DNAH14: variants seen among roughly 807,000 people sequenced by gnomAD.
The protein encoded by DNAH14 is axonemal beta dynein heavy chain 14.
Under a neutral mutation model 520.9 loss-of-function variants are expected in DNAH14, and 478 were observed. The observed-to-expected ratio is 0.92, with a 90% CI of 0.85 to 0.99. DNAH14 has a LOEUF of 0.99. DNAH14 is among the 50% of genes least tolerant of loss of function. The pLI is 0.00. For synonymous variants in DNAH14, 1,581 were observed against 1,757.2 expected, an observed-to-expected ratio of 0.90 and a Z score of 2.51; for missense variants, 4,831 against 5,234.5, an observed-to-expected ratio of 0.92 and a Z score of 2.38.
intron 17 of DNAH14, among the ~76,000 whole-genome samples, chr1:225,059,918 C>G (rs1462270692): frequency 2.0e-5 from 3 of 152,208 alleles, no homozygotes; most frequent in Admixed American, 6.5e-5. Context: ...ATGGGCTTCC[C>G]TTTGTGGGTA....
Position 225,185,331 on chromosome 1 carries a change from G to A in DNAH14, c.5576G>A (p.Gly1859Glu). 6.5e-7 allele frequency: 1 copy of A among 1,547,182 alleles called. No homozygotes were observed. Among genetic ancestry groups the A allele is most frequent in the South Asian group, 1.2e-5 (1 of 83,162 alleles). Reference protein sequence around the residue: ...GVMLVGPTGGGKTTVRRILEK... With the variant: ...GVMLVGPTGGEKTTVRRILEK... ...ATGTTAGTGGGCCCAACAGGTGGAG[G>A]AAAGACAACAGTCAGAAGAATTTTG... The change falls in exon 37 of 86, where the codon GGA becomes GAA. Residue 1859 changes from glycine (G) to glutamate (E), a missense_variant. Transcript: ENST00000682510.
chr1:225,374,458 A>G (rs1404813133), intron 77 of DNAH14, among the ~76,000 whole-genome samples: 1 of 150,942 alleles, frequency 6.6e-6, no homozygotes, highest in Non-Finnish European at 1.5e-5. Context: ...ATAGGGTTTC[A>G]CCATGTTGGT....
At chr1:224,953,492 T>A (rs2060313750) in intron 2 of DNAH14, among the ~76,000 whole-genome samples, 1 of 152,130 alleles carries the variant, frequency 6.6e-6, no homozygotes, top group African/African-American at 2.4e-5. Context: ...GGGCCAAGAA[T>A]ATGTAAAACA....
At chr1:225,119,438 A>C in intron 26 of DNAH14, 144 bp downstream of exon 26, 1 of 510,154 alleles carries the variant, frequency 2.0e-6, no homozygotes, top group Admixed American at 4.1e-5. Context: ...CAAATCTCTT[A>C]TGAAATGGGT....
In DNAH14 at chr1:225,153,744, T is replaced by C; in HGVS notation, c.5197-6T>C. On this transcript the variant is annotated splice_polypyrimidine_tract_variant and splice_region_variant and intron_variant, in intron 33 of 85. Coordinates refer to ENST00000682510, the MANE Select transcript of DNAH14 (RefSeq NM_001367479.1). ...TTAATAATTCAAATATTTTAATGTTTGATAGGATCATTATAATTTTGGCTT... is the reference window on the plus strand; with the variant it reads ...TTAATAATTCAAATATTTTAATGTTCGATAGGATCATTATAATTTTGGCTT... 3 of 1,533,096 alleles carry C rather than the reference T, an allele frequency of 2.0e-6. No homozygotes were observed. Among genetic ancestry groups the C allele is most frequent in the Non-Finnish European group, 2.6e-6 (3 of 1,132,234 alleles). 95.0% of individuals were successfully genotyped at this position (1,533,096 alleles called of 1,614,324 possible).
chr1:225,088,506 A>T (rs2074035337), intron 21 of DNAH14, among the ~76,000 whole-genome samples: 1 of 152,316 alleles, frequency 6.6e-6, no homozygotes, highest in Admixed American at 6.5e-5. Context: ...GTTAAAAATG[A>T]AAAGAGCATC....
intron 4 of DNAH14, among the ~76,000 whole-genome samples, chr1:224,960,807 G>T (rs2125557836): frequency 6.6e-6 from 1 of 152,068 alleles, no homozygotes; most frequent in South Asian, 2.1e-4. Context: ...AAACACCATG[G>T]TACAGAGGTG....
chr1:225,333,555 T>A, intron 66 of DNAH14, 49 bp downstream of exon 66: 1 of 1,481,438 alleles, frequency 6.8e-7, no homozygotes, highest in Non-Finnish European at 9.2e-7. Flanking sequence ...ATTGTTTATT[T>A]GGATTTTAGC....
intron 64 of DNAH14, among the ~76,000 whole-genome samples, chr1:225,329,087 CAACTT>C (rs1205114965): frequency 1.6e-4 from 25 of 152,242 alleles, no homozygotes. Flanking sequence ...GCTAAACTCT[CAACTT>C]AAAGGTTAAT....
At chr1:225,157,094 G>C (rs2081120430) in intron 34 of DNAH14, among the ~76,000 whole-genome samples, 1 of 152,080 alleles carries the variant, frequency 6.6e-6, no homozygotes, top group African/African-American at 2.4e-5. Flanking sequence ...TGTCTTTGTA[G>C]GGGGCATTTT....
chr1:225,272,149 GTT>G, intron 51 of DNAH14, 76 bp downstream of exon 51: 1 of 1,345,632 alleles, frequency 7.4e-7, no homozygotes, highest in Non-Finnish European at 1.0e-6. Flanking sequence ...ACATTAGATT[GTT>G]AGAAGGGGAA....
chr1:225,083,121 C>T (rs2073334612), intron 20 of DNAH14, among the ~76,000 whole-genome samples: 1 of 151,942 alleles, frequency 6.6e-6, no homozygotes, highest in Non-Finnish European at 1.5e-5. Flanking sequence ...ATTGCCCTAC[C>T]TTAACATATA....
At chr1:225,308,515 C>T in intron 60 of DNAH14, 105 bp downstream of exon 60, 1 of 1,108,944 alleles carries the variant, frequency 9.0e-7, no homozygotes, top group South Asian at 1.8e-5. Flanking sequence ...TACATAGTGC[C>T]CCAACTATGG....
At position 224,991,682 on chromosome 1, in the gene DNAH14, A is replaced by T. The variant is rs1485927667; in HGVS notation, c.831-11101A>T. Among the ~76,000 whole-genome samples, 8 of 152,012 alleles carry T rather than the reference A, an allele frequency of 5.3e-5. No individual in the cohort carries two copies. The East Asian group carries it at 1.6e-3, about 30-fold the overall frequency. On this transcript the variant is annotated intron_variant, in intron 8 of 85. Coordinates refer to ENST00000682510, the MANE Select transcript of DNAH14 (RefSeq NM_001367479.1). ...TTTCCTTTTTTTCTTTTCAGTAGAG[A>T]CGGGTATCTATATGCTCCATCCATG...
intron 19 of DNAH14, 134 bp from the exon 20 acceptor site, chr1:225,082,415 A>AT (rs1484836696): frequency 1.6e-6 from 1 of 640,662 alleles, no homozygotes; most frequent in African/African-American, 1.9e-5. Flanking sequence ...GCTTCATGTT[A>AT]TTTTAATGTA....
intron 55 of DNAH14, 21 bp downstream of exon 55, chr1:225,290,103 C>A: frequency 7.4e-7 from 1 of 1,352,280 alleles, no homozygotes; most frequent in Non-Finnish European, 9.6e-7. Flanking sequence ...TTTGTCTTTG[C>A]TATTTGCTGA....
chr1:225,110,300 C>G (rs958544014), intron 23 of DNAH14, among the ~76,000 whole-genome samples: 2 of 152,006 alleles, frequency 1.3e-5, no homozygotes, highest in Non-Finnish European at 2.9e-5. Context: ...AGTGAAGCAT[C>G]AGGTCCTAGG....
chr1:225,318,170 C>T (rs1053269141), intron 60 of DNAH14, among the ~76,000 whole-genome samples: 1 of 152,160 alleles, frequency 6.6e-6, no homozygotes, highest in Non-Finnish European at 1.5e-5. Flanking sequence ...AAACATATGA[C>T]CCTGCAAACA....
At chr1:225,078,863 T>TCC (rs1558884219) in intron 17 of DNAH14, among the ~76,000 whole-genome samples, 723 of 45,668 alleles carry the variant, frequency 0.016, 72 homozygotes, top group Non-Finnish European at 0.023. Context: ...TCTCTCCCTC[T>TCC]CTCTCTCTCT....
Sources: allele counts gnomAD v4.1 joint callset (sites outside exome capture counted in the v4.1 genomes callset), GRCh38; gene constraint gnomAD v4.1.1; transcripts MANE v1.5; gene names NCBI Gene and HGNC (gene_info 2026-07-23, HGNC 2026-07-21).